Variants in AKAP6 observed in about 807,000 individuals in gnomAD.
AKAP6 encodes the protein A-kinase anchoring protein 6.
AKAP6 carries 58 observed loss-of-function variants against 188.5 expected under a neutral mutation model. That is an observed-to-expected ratio of 0.31 (90% CI 0.25 to 0.38). The LOEUF (loss-of-function observed/expected upper bound fraction) is 0.38, where lower values mean the gene tolerates loss of function less well. Among genes scored for constraint, AKAP6 ranks in the 10% least tolerant of loss-of-function variants. The probability of loss-of-function intolerance (pLI) is 1.00; values close to 1 mark genes in which losing one functional copy is unlikely to be tolerated. For missense variants in AKAP6, 2,710 were observed against 2,740.0 expected (o/e 0.99, Z 0.24); for synonymous variants, 989 against 998.6 (o/e 0.99, Z 0.18).
chr14:32,633,091 A>T (rs1009395180), intron 7 of AKAP6, among the ~76,000 whole-genome samples: 1 of 152,068 alleles, frequency 6.6e-6, no homozygotes, highest in African/African-American at 2.4e-5. Flanking sequence ...TTCTAATTTA[A>T]TTTCATTTTA....
At chr14:32,574,358 A>G (rs1032653634) in intron 4 of AKAP6, among the ~76,000 whole-genome samples, 2 of 152,200 alleles carry the variant, frequency 1.3e-5, no homozygotes, top group Admixed American at 1.3e-4. Context: ...TGGCTGGGAT[A>G]CACAGAGGTG....
At position 32,615,167 on chromosome 14, in the gene AKAP6, C is replaced by CAAAAAAAAAAAAAAAAA. The variant is rs71115086; in HGVS notation, c.2730+14378_2730+14394dup. ...CTGGCAACAGAGCAAGACTCTGTCT[C>CAAAAAAAAAAAAAAAAA]AAAAAAAAAAAAAAAAAAAGATAAA... On this transcript the variant is annotated intron_variant, in intron 7 of 13. Transcript: ENST00000280979. Among the ~76,000 whole-genome samples the CAAAAAAAAAAAAAAAAA allele has an allele frequency of 7.9e-3, 423 of 53,420 alleles. 79 individuals carry two copies. Among genetic ancestry groups the CAAAAAAAAAAAAAAAAA allele is most frequent in the East Asian group, 0.02 (36 of 1,836 alleles). The allele number at this position is 53,420 out of a possible 152,430, so 35.0% of individuals were successfully genotyped here.
chr14:32,813,400 C>CCG (rs1566729865), intron 12 of AKAP6, among the ~76,000 whole-genome samples: 3 of 124,728 alleles, frequency 2.4e-5, no homozygotes, highest in African/African-American at 9.8e-5. Context: ...CCCCCCCCCC[C>CCG]AACCCCTTTC....
intron 2 of AKAP6, among the ~76,000 whole-genome samples, chr14:32,505,099 T>C (rs1036879227): frequency 5.3e-5 from 8 of 152,170 alleles, no homozygotes; most frequent in Non-Finnish European, 1.0e-4. Flanking sequence ...AAATGAAGAG[T>C]ACAATCTACT....
intron 7 of AKAP6, among the ~76,000 whole-genome samples, chr14:32,607,977 A>T (rs1886191809): frequency 6.6e-6 from 1 of 152,174 alleles, no homozygotes; most frequent in Non-Finnish European, 1.5e-5. Flanking sequence ...AAAGTGAGTT[A>T]CTTCTTTGAA....
chr14:32,513,445 A>C (rs895684154), intron 2 of AKAP6, among the ~76,000 whole-genome samples: 7 of 152,218 alleles, frequency 4.6e-5, no homozygotes, highest in Non-Finnish European at 1.0e-4. Flanking sequence ...TTACCTGGCC[A>C]CCTGACATAG....
chr14:32,346,064 C>A (rs772314600), intron 1 of AKAP6, among the ~76,000 whole-genome samples: 1 of 152,070 alleles, frequency 6.6e-6, no homozygotes. Flanking sequence ...CATCACACCC[C>A]AAAGGTTTGC....
intron 7 of AKAP6, among the ~76,000 whole-genome samples, chr14:32,668,403 A>G (rs1255706569): frequency 6.6e-6 from 1 of 152,130 alleles, no homozygotes; most frequent in Admixed American, 6.6e-5. Context: ...CTCATCTGTC[A>G]TTAAAATGGA....
chr14:32,799,726 C>T (rs1240913305), intron 12 of AKAP6, among the ~76,000 whole-genome samples: 1 of 151,782 alleles, frequency 6.6e-6, no homozygotes, highest in Admixed American at 6.6e-5. Context: ...TTGTGGCCCA[C>T]GTTGTAGTAT....
intron 1 of AKAP6, among the ~76,000 whole-genome samples, chr14:32,399,206 T>C (rs1888999609): frequency 6.6e-6 from 1 of 152,200 alleles, no homozygotes; most frequent in African/African-American, 2.4e-5. Context: ...GAAACACTTC[T>C]TATTTAGGGA....
rs1566584107 is a variant in AKAP6 at position 32,575,672 on chromosome 14, C to A, written c.2347-1448C>A. ...ATGAGAAATCTTGCATTTGTGAAATCTGGTTGTGATATGTATCCCTGGGTG... is the reference window on the plus strand; with the variant it reads ...ATGAGAAATCTTGCATTTGTGAAATATGGTTGTGATATGTATCCCTGGGTG... On this transcript the variant is annotated intron_variant, in intron 4 of 13. Coordinates refer to ENST00000280979, the MANE Select transcript of AKAP6 (RefSeq NM_004274.5). 2.0e-5 allele frequency among the ~76,000 whole-genome samples: 3 copies of A among 152,070 alleles called. No individual in the cohort carries two copies. The South Asian group carries it at 6.2e-4, about 32-fold the overall frequency.
At chr14:32,362,432 A>G (rs1887694564) in intron 1 of AKAP6, among the ~76,000 whole-genome samples, 1 of 152,218 alleles carries the variant, frequency 6.6e-6, no homozygotes, top group Admixed American at 6.5e-5. Flanking sequence ...GAACTCTGTC[A>G]GACTCGGGAA....
At position 32,648,592 on chromosome 14, in the gene AKAP6, C is replaced by T. The variant is rs114485216; in HGVS notation, c.2731-29719C>T. Among the ~76,000 whole-genome samples the T allele has an allele frequency of 3.2e-3, 491 of 152,244 alleles. 2 individuals are homozygous for T. The highest frequency in any genetic ancestry group is 0.011 in the African/African-American group (470 of 41,554). On this transcript the variant is annotated intron_variant, in intron 7 of 13. Transcript: ENST00000280979. The stretch of plus-strand genomic sequence containing the variant: ...ACAGTAGAAACTGTATCTTAGCTTA[C>T]TTGAATCAGTGCTGTAGAAAAGCAC...
At chr14:32,473,466 G>A (rs887376941) in intron 2 of AKAP6, among the ~76,000 whole-genome samples, 1 of 152,186 alleles carries the variant, frequency 6.6e-6, no homozygotes, top group Admixed American at 6.5e-5. Context: ...AGAAAAGCCA[G>A]AAAATATAAT....
chr14:32,380,573 T>A (rs1488522693), intron 1 of AKAP6, among the ~76,000 whole-genome samples: 4 of 152,140 alleles, frequency 2.6e-5, no homozygotes, highest in African/African-American at 9.7e-5. Flanking sequence ...GTTCAGACAT[T>A]AGTAAAATAT....
intron 4 of AKAP6, among the ~76,000 whole-genome samples, chr14:32,558,295 T>G (rs1883777604): frequency 7.0e-6 from 1 of 142,838 alleles, no homozygotes; most frequent in South Asian, 2.1e-4. Flanking sequence ...AAAATTTTGT[T>G]TTAGGTCCTG....
intron 12 of AKAP6, among the ~76,000 whole-genome samples, chr14:32,777,765 C>T (rs1416929003): frequency 6.6e-6 from 1 of 152,152 alleles, no homozygotes; most frequent in South Asian, 2.1e-4. Context: ...AAGCTGGGTG[C>T]TCTTGCTCAC....
rs776267634 is a variant in AKAP6 at position 32,546,410 on chromosome 14, T to C, written c.1757T>C (p.Val586Ala). 4 of 1,614,200 alleles carry C rather than the reference T, an allele frequency of 2.5e-6. No homozygotes were observed. Among genetic ancestry groups the C allele is most frequent in the Non-Finnish European group, 3.4e-6 (4 of 1,180,028 alleles). ...TTTACTCAGAGCAGTGAATCCTCTG[T>C]TGGCTCAGACAACATCATGTCTCCG... Reference protein sequence around the residue: ...PAFTQSSESSVGSDNIMSPVP... With the variant: ...PAFTQSSESSAGSDNIMSPVP... Residue 586 changes from valine to alanine, a missense_variant, in exon 4 of 14, where the codon GTT becomes GCT. This residue lies in a region of AKAP6 where 2,473 missense variants were observed against 2,426.1 expected (regional missense o/e 1.02). Transcript: ENST00000280979.
intron 2 of AKAP6, among the ~76,000 whole-genome samples, chr14:32,504,444 C>A (rs982387811): frequency 6.6e-6 from 1 of 152,154 alleles, no homozygotes. Context: ...CCACACCTGG[C>A]TAATTTTTGT....
Sources: gnomAD v4.1 joint callset for allele counts (sites outside exome capture counted in the v4.1 genomes callset) on GRCh38, gnomAD v4.1.1 for gene constraint, gnomAD v4.1.1 regional missense constraint, MANE v1.5 for transcripts, NCBI Gene and HGNC (gene_info 2026-07-23, HGNC 2026-07-21) for gene names.